Variants in PSD3 observed in about 807,000 individuals in gnomAD.
The protein encoded by PSD3 is pleckstrin and Sec7 domain containing 3, also known as PH and SEC7 domain-containing protein 3.
Under a neutral mutation model 105.5 loss-of-function variants are expected in PSD3, and 49 were observed. The ratio of observed to expected loss-of-function variants is 0.46; its 90% CI spans 0.37 to 0.59. PSD3 has a LOEUF of 0.59. PSD3 is among the 20% of genes least tolerant of loss of function. The pLI is 0.00. For synonymous variants in PSD3, 557 were observed against 457.8 expected, an observed-to-expected ratio of 1.22 and a Z score of -2.77; for missense variants, 1,561 against 1,263.8, an observed-to-expected ratio of 1.24 and a Z score of -3.57.
intron 4 of PSD3, chr8:18,849,649 T>G (rs996906270): frequency 6.6e-6 from 1 of 152,224 alleles, no homozygotes. Context: ...GGCGCTACAG[T>G]AATTACAAAT....
At chr8:18,843,319 C>T (rs568923810) in intron 4 of PSD3, among the ~76,000 whole-genome samples, 5 of 140,244 alleles carry the variant, frequency 3.6e-5, no homozygotes, top group African/African-American at 5.4e-5. Context: ...CGAGATCGCA[C>T]GAGACTCCGT....
intron 14 of PSD3, among the ~76,000 whole-genome samples, chr8:18,563,139 C>T (rs535055673): frequency 3.9e-5 from 6 of 152,178 alleles, no homozygotes; most frequent in African/African-American, 1.4e-4. Flanking sequence ...TTAAATCCTC[C>T]AGTATCCAGT....
Position 18,664,893 on chromosome 8 carries a change from T to C in PSD3, c.2173-9208A>G, listed in dbSNP as rs187788382. Among the ~76,000 whole-genome samples, 15 of 152,250 alleles carry C rather than the reference T, an allele frequency of 9.9e-5. No homozygotes were observed. In the East Asian group the frequency reaches 2.9e-3, roughly 29 times the overall value. On this transcript the variant is annotated intron_variant, in intron 9 of 15. Coordinates refer to ENST00000327040, the MANE Select transcript of PSD3 (RefSeq NM_015310.4). The stretch of plus-strand genomic sequence containing the variant: ...TTTAAGTGTAACAACAAAGCCAGGA[T>C]GGCAGCATATCTGTTGACAGGATGG...
intron 4 of PSD3, among the ~76,000 whole-genome samples, chr8:18,862,124 C>T (rs533451403): frequency 2.0e-5 from 3 of 152,258 alleles, no homozygotes; most frequent in South Asian, 2.1e-4. Context: ...TACTGGGTAC[C>T]GGACATTGTT....
At chr8:18,645,417 C>T (rs907278100) in intron 10 of PSD3, among the ~76,000 whole-genome samples, 1 of 152,148 alleles carries the variant, frequency 6.6e-6, no homozygotes, top group African/African-American at 2.4e-5. Flanking sequence ...TTCAATATTT[C>T]CTTCAAGTTA....
chr8:18,995,782 T>A (rs887263735), intron 1 of PSD3, among the ~76,000 whole-genome samples: 5 of 151,762 alleles, frequency 3.3e-5, no homozygotes, highest in Admixed American at 1.3e-4. Context: ...TATAAAACCA[T>A]CAGATCTCGT....
intron 15 of PSD3, among the ~76,000 whole-genome samples, chr8:18,544,861 T>C (rs1034746124): frequency 6.6e-6 from 1 of 152,072 alleles, no homozygotes; most frequent in Non-Finnish European, 1.5e-5. Flanking sequence ...CCCTACGGAG[T>C]TTCCTGGACA....
intron 8 of PSD3, among the ~76,000 whole-genome samples, chr8:18,780,617 G>A (rs976934334): frequency 2.8e-4 from 42 of 151,926 alleles, no homozygotes; most frequent in Admixed American, 2.2e-3. Context: ...GCAGTGGTGC[G>A]ACCTTGGCTC....
intron 9 of PSD3, among the ~76,000 whole-genome samples, chr8:18,680,117 T>C (rs558572545): frequency 1.3e-5 from 2 of 152,350 alleles, no homozygotes; most frequent in South Asian, 4.1e-4. Context: ...ATTTATGTTT[T>C]AAACCATAAG....
At chr8:18,816,114 G>A (rs944961981) in intron 4 of PSD3, among the ~76,000 whole-genome samples, 5 of 152,144 alleles carry the variant, frequency 3.3e-5, no homozygotes, top group African/African-American at 9.7e-5. Flanking sequence ...GGGATTAACA[G>A]GGGACGTTTC....
At chr8:18,814,897 C>T (rs1445451139) in intron 4 of PSD3, among the ~76,000 whole-genome samples, 1 of 152,116 alleles carries the variant, frequency 6.6e-6, no homozygotes, top group Non-Finnish European at 1.5e-5. Flanking sequence ...AGAAGCTGGG[C>T]AGCAAAAGGC....
At chr8:18,726,373 C>G (rs545555456) in intron 9 of PSD3, among the ~76,000 whole-genome samples, 34 of 152,332 alleles carry the variant, frequency 2.2e-4, no homozygotes, top group African/African-American at 5.1e-4. Flanking sequence ...CTTCCACATA[C>G]AGAAAAGGAA....
At chr8:18,602,149 C>T (rs1804483827) in intron 11 of PSD3, among the ~76,000 whole-genome samples, 1 of 152,096 alleles carries the variant, frequency 6.6e-6, no homozygotes, top group African/African-American at 2.4e-5. Context: ...AAGGCTTTCC[C>T]CGAGCCCTAA....
intron 12 of PSD3, among the ~76,000 whole-genome samples, chr8:18,589,149 C>T (rs1585317049): frequency 6.6e-6 from 1 of 152,146 alleles, no homozygotes; most frequent in Non-Finnish European, 1.5e-5. Flanking sequence ...TACACACATG[C>T]TGATCTGGCA....
intron 4 of PSD3, among the ~76,000 whole-genome samples, chr8:18,853,538 G>C (rs1038341882): frequency 2.0e-5 from 3 of 151,562 alleles, no homozygotes; most frequent in Admixed American, 1.3e-4. Flanking sequence ...CTCAGCTCCA[G>C]GGGGAAAAAA....
chr8:18,708,497 T>C (rs1043996180), intron 9 of PSD3, among the ~76,000 whole-genome samples: 1 of 152,070 alleles, frequency 6.6e-6, no homozygotes, highest in Non-Finnish European at 1.5e-5. Context: ...TAGCAGTACC[T>C]CTGAGTAGAG....
intron 2 of PSD3, among the ~76,000 whole-genome samples, chr8:18,933,089 G>A (rs117144446): frequency 0.01 from 1,547 of 152,300 alleles, 9 homozygotes; most frequent in Non-Finnish European, 0.017. Flanking sequence ...CTGCACAAAG[G>A]TGCTCATTAA....
intron 1 of PSD3, among the ~76,000 whole-genome samples, chr8:19,038,128 G>T (rs979372270): frequency 4.6e-5 from 7 of 151,938 alleles, no homozygotes; most frequent in African/African-American, 1.4e-4. Flanking sequence ...TCAGATTGTT[G>T]TAATTATCAG....
At chr8:18,722,853 C>T (rs1803088208) in intron 9 of PSD3, among the ~76,000 whole-genome samples, 1 of 152,148 alleles carries the variant, frequency 6.6e-6, no homozygotes, top group Admixed American at 6.6e-5. Flanking sequence ...ATATGCCCTC[C>T]AAACTCTAAT....
Sources: gnomAD v4.1 joint callset for allele counts (sites outside exome capture counted in the v4.1 genomes callset) on GRCh38, gnomAD v4.1.1 for gene constraint, MANE v1.5 for transcripts, NCBI Gene and HGNC (gene_info 2026-07-23, HGNC 2026-07-21) for gene names.